PTPRD: variants seen among roughly 807,000 people sequenced by gnomAD.
PTPRD encodes the protein receptor-type tyrosine-protein phosphatase delta.
Under a neutral mutation model 214.5 loss-of-function variants are expected in PTPRD, and 34 were observed. That is an observed-to-expected ratio of 0.16 (90% CI 0.12 to 0.21). The LOEUF (loss-of-function observed/expected upper bound fraction) is 0.21, where lower values mean the gene tolerates loss of function less well. Ranked by LOEUF, PTPRD falls within the 10% of genes least tolerant of loss-of-function variation. The pLI, the probability that PTPRD is intolerant of heterozygous loss-of-function variation, is 1.00. For synonymous variants in PTPRD, 1,128 were observed against 845.7 expected, an observed-to-expected ratio of 1.33 and a Z score of -5.79; for missense variants, 2,545 against 2,398.7, an observed-to-expected ratio of 1.06 and a Z score of -1.27.
At chr9:10,281,680 T>A (rs1044951496) in intron 3 of PTPRD, among the ~76,000 whole-genome samples, 1 of 152,220 alleles carries the variant, frequency 6.6e-6, no homozygotes, top group Non-Finnish European at 1.5e-5. Flanking sequence ...TCTGCTATTT[T>A]ATACTAAAAT....
At chr9:9,660,525 A>G (rs1158802850) in intron 7 of PTPRD, among the ~76,000 whole-genome samples, 1 of 152,026 alleles carries the variant, frequency 6.6e-6, no homozygotes, top group Admixed American at 6.6e-5. Flanking sequence ...TATAGGATGT[A>G]GAAAAGAGGA....
At chr9:9,358,967 AG>A (rs1221398130) in intron 9 of PTPRD, among the ~76,000 whole-genome samples, 1 of 151,330 alleles carries the variant, frequency 6.6e-6, no homozygotes, top group Non-Finnish European at 1.5e-5. Flanking sequence ...AAACAATTTC[AG>A]GATAAAAACT....
chr9:8,820,178 G>A (rs1045916087), intron 11 of PTPRD, among the ~76,000 whole-genome samples: 1 of 152,012 alleles, frequency 6.6e-6, no homozygotes, highest in Non-Finnish European at 1.5e-5. Flanking sequence ...ATGCATATCT[G>A]TAGCTTTAAT....
intron 11 of PTPRD, among the ~76,000 whole-genome samples, chr9:8,940,280 C>CTTTTTT (rs34342718): frequency 0.19 from 16,863 of 87,666 alleles, 2,868 homozygotes; most frequent in Non-Finnish European, 0.24. Context: ...TCTCTCTCTC[C>CTTTTTT]TTTTTTTTTT....
intron 11 of PTPRD, among the ~76,000 whole-genome samples, chr9:8,932,436 C>G (rs2154283140): frequency 6.6e-6 from 1 of 152,260 alleles, no homozygotes; most frequent in African/African-American, 2.4e-5. Context: ...CATTCAGGAG[C>G]AGGTTGTTCA....
chr9:8,526,526 C>T (rs941074337), intron 17 of PTPRD, 101 bp downstream of exon 17: 2 of 1,029,230 alleles, frequency 1.9e-6, no homozygotes, highest in Admixed American at 5.5e-5. Flanking sequence ...AGTTGATGGA[C>T]ATTATTGGAA....
intron 12 of PTPRD, among the ~76,000 whole-genome samples, chr9:8,680,428 G>T (rs779662587): frequency 9.2e-5 from 14 of 152,116 alleles, no homozygotes; most frequent in Non-Finnish European, 1.8e-4. Flanking sequence ...GTCTTCTCTC[G>T]TGTTGAATCT....
intron 8 of PTPRD, among the ~76,000 whole-genome samples, chr9:9,426,435 G>A (rs898207878): frequency 3.9e-5 from 6 of 152,186 alleles, no homozygotes; most frequent in Admixed American, 6.5e-5. Flanking sequence ...GGAGCCCACC[G>A]CAGCTCAAGG....
At chr9:8,434,421 A>G (rs1590315399) in intron 35 of PTPRD, among the ~76,000 whole-genome samples, 1 of 152,234 alleles carries the variant, frequency 6.6e-6, no homozygotes, top group South Asian at 2.1e-4. Context: ...ATAATAGACT[A>G]TACTATCTAG....
chr9:9,955,161 T>G (rs1160392657), intron 4 of PTPRD, among the ~76,000 whole-genome samples: 2 of 152,142 alleles, frequency 1.3e-5, no homozygotes, highest in African/African-American at 4.8e-5. Flanking sequence ...AAGTAAGCAC[T>G]GTCAGCAAAC....
chr9:8,402,683 AC>A (rs1031051131), intron 36 of PTPRD, among the ~76,000 whole-genome samples: 6 of 74,212 alleles, frequency 8.1e-5, no homozygotes, highest in Non-Finnish European at 9.6e-5. Flanking sequence ...GAGACTTGAG[AC>A]CCCCCACAAA....
intron 2 of PTPRD, among the ~76,000 whole-genome samples, chr9:10,508,377 A>T (rs1324998905): frequency 6.6e-6 from 1 of 152,194 alleles, no homozygotes; most frequent in Non-Finnish European, 1.5e-5. Context: ...CCATTGTGGA[A>T]GACAGTGCGG....
chr9:10,090,673 AT>A (rs200928033), intron 3 of PTPRD, among the ~76,000 whole-genome samples: 177 of 147,988 alleles, frequency 1.2e-3, no homozygotes, highest in African/African-American at 3.9e-3. Flanking sequence ...AAAGTAAATG[AT>A]TTTTTTTAAT....
chr9:8,606,182 G>C (rs1172518725), intron 14 of PTPRD, among the ~76,000 whole-genome samples: 1 of 152,014 alleles, frequency 6.6e-6, no homozygotes, highest in African/African-American at 2.4e-5. Flanking sequence ...GAGGTTCCAA[G>C]GGAAGGAAAA....
intron 5 of PTPRD, among the ~76,000 whole-genome samples, chr9:9,908,831 G>C (rs975009436): frequency 1.3e-5 from 2 of 151,860 alleles, no homozygotes; most frequent in African/African-American, 4.8e-5. Flanking sequence ...CAAATGCTAG[G>C]TCTAAGAATA....
intron 14 of PTPRD, among the ~76,000 whole-genome samples, chr9:8,541,104 T>C (rs1207970671): frequency 6.6e-6 from 1 of 152,170 alleles, no homozygotes; most frequent in Non-Finnish European, 1.5e-5. Flanking sequence ...TAAAGATAAC[T>C]TATATGTCTC....
chr9:9,938,545 G>C lies in PTPRD; in HGVS notation c.-406C>G, dbSNP rs1000491024. 6.6e-6 allele frequency: 1 copy of C among 152,050 alleles called. No individual in the cohort carries two copies. The highest frequency in any genetic ancestry group is 1.5e-5 in the Non-Finnish European group (1 of 68,020). The allele number at this position is 152,050 out of a possible 1,614,324, so 9.4% of individuals were successfully genotyped here. On this transcript the variant is annotated 5_prime_UTR_variant, in exon 5 of 46. Transcript: ENST00000381196. ...CCATCGCTTCCCTCGGTGCCAACAT[G>C]CTGTCAGTCAGACACCTCTAACTGG...
At chr9:10,466,037 A>G (rs1372390015) in intron 2 of PTPRD, among the ~76,000 whole-genome samples, 3 of 152,206 alleles carry the variant, frequency 2.0e-5, no homozygotes, top group Non-Finnish European at 2.9e-5. Context: ...GAGCGAAACT[A>G]AAAATAGCAA....
At chr9:8,526,824 TA>T (rs1463072033) in intron 16 of PTPRD, among the ~76,000 whole-genome samples, 180 bp from the exon 17 acceptor site, 8 of 152,088 alleles carry the variant, frequency 5.3e-5, no homozygotes, top group Non-Finnish European at 7.4e-5. Flanking sequence ...TATTAGATCA[TA>T]AAAAACAAGT....
Sources: gnomAD v4.1 joint callset for allele counts (sites outside exome capture counted in the v4.1 genomes callset) on GRCh38, gnomAD v4.1.1 for gene constraint, MANE v1.5 for transcripts, NCBI Gene and HGNC (gene_info 2026-07-23, HGNC 2026-07-21) for gene names.